The following FAF1 variants were observed in gnomAD, a reference collection of about 807,000 sequenced individuals.
FAF1 encodes the protein FAS-associated factor 1.
FAF1 carries 25 observed loss-of-function variants against 92.5 expected under a neutral mutation model. The observed-to-expected ratio is 0.27, with a 90% CI of 0.20 to 0.38. FAF1 has a LOEUF of 0.38. FAF1 is among the 10% of genes least tolerant of loss of function. The pLI is 1.00. For synonymous variants in FAF1, 234 were observed against 273.2 expected (o/e 0.86, Z 1.42); for missense variants, 636 against 793.3 (o/e 0.80, Z 2.38).
chr1:50,615,239 G>C (rs1048854923), intron 8 of FAF1, among the ~76,000 whole-genome samples: 1 of 152,198 alleles, frequency 6.6e-6, no homozygotes, highest in Non-Finnish European at 1.5e-5. Flanking sequence ...AGGCAGCATA[G>C]TATTCCATGG....
At chr1:50,442,719 G>A (rs999064294) in intron 18 of FAF1, among the ~76,000 whole-genome samples, 3 of 152,194 alleles carry the variant, frequency 2.0e-5, no homozygotes, top group African/African-American at 4.8e-5. Flanking sequence ...GGAGGGGTGG[G>A]GGATATGGGG....
rs1206549153 is a variant in FAF1 at position 50,439,663 on chromosome 1, TTC to T, written c.*1775_*1776del. ...TATGACCTGAGTTCAGGGCTGCAGC[TTC>T]TTCACAGCAGCTACAGAACAAGGTC... On this transcript the variant is annotated 3_prime_UTR_variant, in exon 19 of 19. Transcript: ENST00000396153. 1.3e-5 allele frequency: 2 copies of T among 152,116 alleles called. No individual in the cohort carries two copies. Among genetic ancestry groups the T allele is most frequent in the Non-Finnish European group, 2.9e-5 (2 of 68,014 alleles). 9.4% of individuals were successfully genotyped at this position (152,116 alleles called of 1,614,324 possible). A position where few individuals can be genotyped will look rare whatever the true frequency, so the allele number is the denominator to read the frequency against.
chr1:50,719,503 A>G (rs1658321103), intron 6 of FAF1, among the ~76,000 whole-genome samples: 1 of 152,248 alleles, frequency 6.6e-6, no homozygotes, highest in Non-Finnish European at 1.5e-5. Flanking sequence ...TTCAAAGTTC[A>G]GGTGGCCTCA....
intron 8 of FAF1, among the ~76,000 whole-genome samples, chr1:50,610,971 C>G (rs1183014895): frequency 6.6e-6 from 1 of 152,158 alleles, no homozygotes; most frequent in East Asian, 1.9e-4. Context: ...AAATAGGTTC[C>G]CAGGGTTGAG....
chr1:50,667,258 G>T (rs768318895), intron 7 of FAF1, among the ~76,000 whole-genome samples: 150 of 152,272 alleles, frequency 9.9e-4, no homozygotes, highest in Middle Eastern at 6.8e-3. Flanking sequence ...TACACTTTTG[G>T]CCAATGCCTT....
intron 15 of FAF1, among the ~76,000 whole-genome samples, chr1:50,501,848 G>GT (rs1439405121): frequency 6.6e-6 from 1 of 152,152 alleles, no homozygotes; most frequent in Non-Finnish European, 1.5e-5. Flanking sequence ...CCAGTCTTAA[G>GT]TAAGTAGTTA....
intron 15 of FAF1, among the ~76,000 whole-genome samples, chr1:50,503,493 T>C (rs1647016883): frequency 6.6e-6 from 1 of 151,888 alleles, no homozygotes; most frequent in African/African-American, 2.4e-5. Flanking sequence ...TAGTAGTGTG[T>C]GTCTGTAGTC....
At chr1:50,617,254 C>G (rs1314244422) in intron 8 of FAF1, among the ~76,000 whole-genome samples, 1 of 152,100 alleles carries the variant, frequency 6.6e-6, no homozygotes, top group African/African-American at 2.4e-5. Context: ...TTTGTCCATT[C>G]AGTATAATGT....
chr1:50,794,789 ATTTTTTTTT>A (rs59806816), intron 3 of FAF1, among the ~76,000 whole-genome samples: 1 of 123,494 alleles, frequency 8.1e-6, no homozygotes, highest in Non-Finnish European at 1.7e-5. Flanking sequence ...TCACCCAGCT[ATTTTTTTTT>A]TTTTTTTTTT....
intron 17 of FAF1, among the ~76,000 whole-genome samples, chr1:50,478,288 C>T (rs946669218): frequency 1.3e-5 from 2 of 151,842 alleles, no homozygotes; most frequent in Admixed American, 6.6e-5. Context: ...CTCAGCCTCC[C>T]GAGTAGCTGG....
intron 13 of FAF1, among the ~76,000 whole-genome samples, chr1:50,552,082 G>A (rs536902431): frequency 2.7e-4 from 41 of 152,168 alleles, no homozygotes; most frequent in Admixed American, 2.5e-3. Context: ...ATCACCTGAG[G>A]TCAGGAGTCC....
chr1:50,497,669 C>G (rs1428425061), intron 15 of FAF1, among the ~76,000 whole-genome samples: 1 of 148,756 alleles, frequency 6.7e-6, no homozygotes, highest in Non-Finnish European at 1.5e-5. Context: ...CTGCCTCAGT[C>G]TCTGGAGTAG....
chr1:50,753,643 G>C (rs1383794977), intron 4 of FAF1, among the ~76,000 whole-genome samples: 2 of 151,834 alleles, frequency 1.3e-5, no homozygotes, highest in African/African-American at 2.4e-5. Context: ...TTCAACTCTA[G>C]TTGTTCAACT....
At chr1:50,638,055 T>A (rs1298907657) in intron 8 of FAF1, among the ~76,000 whole-genome samples, 1 of 152,168 alleles carries the variant, frequency 6.6e-6, no homozygotes, top group Non-Finnish European at 1.5e-5. Context: ...TATTTCATGT[T>A]TTTGGATAGA....
At chr1:50,710,838 G>A (rs1388524054) in intron 6 of FAF1, among the ~76,000 whole-genome samples, 5 of 151,414 alleles carry the variant, frequency 3.3e-5, no homozygotes, top group Non-Finnish European at 7.4e-5. Context: ...TCCTGACCTC[G>A]TGATCCGCCC....
intron 2 of FAF1, among the ~76,000 whole-genome samples, chr1:50,836,038 T>A (rs1644198123): frequency 6.6e-6 from 1 of 152,118 alleles, no homozygotes; most frequent in South Asian, 2.1e-4. Context: ...AACACACTGT[T>A]CATTTGTAAA....
intron 8 of FAF1, among the ~76,000 whole-genome samples, chr1:50,652,525 C>A (rs563910905): frequency 6.6e-6 from 1 of 152,192 alleles, no homozygotes; most frequent in Non-Finnish European, 1.5e-5. Flanking sequence ...CCCTGTGAAG[C>A]CCCACATTTC....
intron 8 of FAF1, among the ~76,000 whole-genome samples, chr1:50,602,013 G>A (rs561552991): frequency 2.6e-5 from 4 of 152,086 alleles, no homozygotes; most frequent in East Asian, 1.9e-4. Context: ...ATATAGGTAC[G>A]ACCAACTAAA....
At chr1:50,645,554 T>C (rs1029966304) in intron 8 of FAF1, among the ~76,000 whole-genome samples, 2 of 152,226 alleles carry the variant, frequency 1.3e-5, no homozygotes, top group Non-Finnish European at 2.9e-5. Flanking sequence ...CCAGGCGCTA[T>C]GGCTCATGCC....
Sources: gnomAD v4.1 joint callset for allele counts (sites outside exome capture counted in the v4.1 genomes callset) on GRCh38, gnomAD v4.1.1 for gene constraint, MANE v1.5 for transcripts, NCBI Gene and HGNC (gene_info 2026-07-23, HGNC 2026-07-21) for gene names.